The following GRIK3 variants were observed in gnomAD, a reference collection of about 807,000 sequenced individuals.
GRIK3 encodes glutamate ionotropic receptor kainate type subunit 3, also known as glutamate receptor ionotropic, kainate 3.
Under a neutral mutation model 102.5 loss-of-function variants are expected in GRIK3, and 29 were observed. The ratio of observed to expected loss-of-function variants is 0.28; its 90% confidence interval spans 0.21 to 0.39. GRIK3 has a LOEUF of 0.39. GRIK3 is among the 10% of genes least tolerant of loss of function. The pLI, the probability that GRIK3 is intolerant of heterozygous loss-of-function variation, is 1.00. For missense variants in GRIK3, 908 were observed against 1,252.4 expected (o/e 0.73, Z 4.15); for synonymous variants, 511 against 504.9 (o/e 1.01, Z -0.16).
At chr1:36,919,905 C>T (rs1641448034) in intron 1 of GRIK3, among the ~76,000 whole-genome samples, 1 of 152,228 alleles carries the variant, frequency 6.6e-6, no homozygotes, top group African/African-American at 2.4e-5. Context: ...GATGCTCCTC[C>T]TGCCTGGAGA....
At chr1:36,840,930 T>C (rs928237470) in intron 10 of GRIK3, among the ~76,000 whole-genome samples, 1 of 152,184 alleles carries the variant, frequency 6.6e-6, no homozygotes, top group Non-Finnish European at 1.5e-5. Context: ...TCTGCCACTA[T>C]GACAACAATC....
In GRIK3 at chr1:36,837,637, A is replaced by G. The variant is rs146956399; in HGVS notation, c.1530+4099T>C. The stretch of plus-strand genomic sequence containing the variant: ...CCACTTCAGTGGGTTCAGATTCTCC[A>G]TAGCCCTCGGGATTAAAGTCCAGTT... On this transcript the variant is annotated intron_variant, in intron 10 of 15. Coordinates refer to ENST00000373091, the MANE Select transcript of GRIK3 (RefSeq NM_000831.4). 3.8e-3 allele frequency among the ~76,000 whole-genome samples: 577 copies of G among 152,086 alleles called. 3 individuals carry two copies. Among genetic ancestry groups the G allele is most frequent in the African/African-American group, 0.013 (539 of 41,476 alleles).
intron 1 of GRIK3, among the ~76,000 whole-genome samples, chr1:36,944,555 G>C (rs1481080889): frequency 6.6e-6 from 1 of 152,214 alleles, no homozygotes; most frequent in Non-Finnish European, 1.5e-5. Context: ...AGCCACAAGA[G>C]AGGCCAGAGC....
chr1:37,032,827 C>A (rs1365456775), intron 1 of GRIK3, among the ~76,000 whole-genome samples: 3 of 152,166 alleles, frequency 2.0e-5, no homozygotes, highest in Non-Finnish European at 4.4e-5. Context: ...GGTTTCTGAC[C>A]GCCTCCTAGG....
Position 36,890,925 on chromosome 1 carries a change from T to G in GRIK3, c.287A>C (p.Lys96Thr), listed in dbSNP as rs1337549952. The G allele has an allele frequency of 6.2e-7, 1 of 1,609,210 alleles. No individual in the cohort carries two copies. The highest frequency in any genetic ancestry group is 8.5e-7 in the Non-Finnish European group (1 of 1,176,980). ...GGCAGGAGCTGCACACTCACCCTTT[T>G]TGGTCGCCTCGAAGCTGTCATGGAA... ...IHFHDSFEATKKACDQLALGV... is the reference protein window; with the variant it reads ...IHFHDSFEATTKACDQLALGV... The change falls in exon 2 of 16, where the codon AAA becomes ACA. Residue 96 changes from lysine to threonine, a missense_variant. This residue lies in a region of GRIK3 where 585 missense variants were observed against 824.9 expected (regional missense o/e 0.71). Coordinates refer to ENST00000373091, the MANE Select transcript of GRIK3 (RefSeq NM_000831.4).
intron 1 of GRIK3, among the ~76,000 whole-genome samples, chr1:36,955,125 G>T (rs1641890484): frequency 6.6e-6 from 1 of 152,216 alleles, no homozygotes; most frequent in African/African-American, 2.4e-5. Context: ...CCCCAGAGTG[G>T]GTCCTGAGCT....
At chr1:36,831,806 G>T (rs920446424) in intron 10 of GRIK3, among the ~76,000 whole-genome samples, 1 of 152,132 alleles carries the variant, frequency 6.6e-6, no homozygotes, top group African/African-American at 2.4e-5. Context: ...AAATAACCCC[G>T]TGTGGCTGGT....
chr1:36,803,708 C>T (rs964130953), intron 15 of GRIK3, among the ~76,000 whole-genome samples: 1 of 152,166 alleles, frequency 6.6e-6, no homozygotes, highest in African/African-American at 2.4e-5. Context: ...TGATTACAGG[C>T]GTGAGCCACC....
chr1:36,854,004 G>A (rs1485193400), intron 7 of GRIK3, among the ~76,000 whole-genome samples: 1 of 152,226 alleles, frequency 6.6e-6, no homozygotes, highest in Non-Finnish European at 1.5e-5. Context: ...GTCATGGGAA[G>A]GGGGAGCCCA....
chr1:36,999,657 C>T (rs772211909), intron 1 of GRIK3, among the ~76,000 whole-genome samples: 26 of 152,196 alleles, frequency 1.7e-4, no homozygotes, highest in Admixed American at 3.3e-4. Context: ...TCAGGGAACA[C>T]TGAGCCCGCT....
chr1:36,956,389 A>G (rs1263212251), intron 1 of GRIK3, among the ~76,000 whole-genome samples: 1 of 152,238 alleles, frequency 6.6e-6, no homozygotes, highest in African/African-American at 2.4e-5. Flanking sequence ...AGCCATTTAA[A>G]TGACTCAAAG....
At chr1:36,950,274 T>C (rs1641830514) in intron 1 of GRIK3, among the ~76,000 whole-genome samples, 1 of 152,336 alleles carries the variant, frequency 6.6e-6, no homozygotes, top group Non-Finnish European at 1.5e-5. Flanking sequence ...TTTTTAAATA[T>C]AATCATTCCT....
intron 1 of GRIK3, among the ~76,000 whole-genome samples, chr1:36,933,896 A>C (rs1280101662): frequency 6.6e-6 from 1 of 152,082 alleles, no homozygotes; most frequent in African/African-American, 2.4e-5. Context: ...AGGAAGGAGA[A>C]CTTCCACTTG....
At chr1:37,027,938 T>C (rs1642780382) in intron 1 of GRIK3, among the ~76,000 whole-genome samples, 1 of 152,046 alleles carries the variant, frequency 6.6e-6, no homozygotes, top group African/African-American at 2.4e-5. Flanking sequence ...TGCATCCAGG[T>C]CCCCATGCCC....
At chr1:37,006,913 G>A (rs1642538857) in intron 1 of GRIK3, among the ~76,000 whole-genome samples, 1 of 152,242 alleles carries the variant, frequency 6.6e-6, no homozygotes, top group Non-Finnish European at 1.5e-5. Flanking sequence ...GAGCAAGCTA[G>A]TGGTGCAACC....
At chr1:37,007,391 G>A (rs1030533419) in intron 1 of GRIK3, among the ~76,000 whole-genome samples, 2 of 152,236 alleles carry the variant, frequency 1.3e-5, no homozygotes, top group Admixed American at 6.5e-5. Context: ...TTCAGGTGCT[G>A]GAGAGTGGAA....
At chr1:36,897,311 C>G (rs1020173095) in intron 1 of GRIK3, among the ~76,000 whole-genome samples, 1 of 152,108 alleles carries the variant, frequency 6.6e-6, no homozygotes, top group Non-Finnish European at 1.5e-5. Flanking sequence ...AATACAAAGT[C>G]AATACACAAA....
At chr1:36,907,189 C>G (rs1641293104) in intron 1 of GRIK3, among the ~76,000 whole-genome samples, 1 of 151,934 alleles carries the variant, frequency 6.6e-6, no homozygotes, top group South Asian at 2.1e-4. Flanking sequence ...CACCTCAGGG[C>G]CTGGGTAAAG....
In GRIK3 at chr1:36,895,081, C is replaced by T. The variant is rs182663322; in HGVS notation, c.116-3985G>A. Among the ~76,000 whole-genome samples, 15 of 152,176 alleles carry T rather than the reference C, an allele frequency of 9.9e-5. No homozygotes were observed. In the East Asian group the frequency reaches 1.4e-3, roughly 14 times the overall value. The stretch of plus-strand genomic sequence containing the variant: ...GGGGAGAAGCACCTGTGAAGTTTAC[C>T]GCCCAGGGGCACAGGCTCACCAAAA... On this transcript the variant is annotated intron_variant, in intron 1 of 15. Coordinates refer to ENST00000373091, the MANE Select transcript of GRIK3 (RefSeq NM_000831.4).
Sources: allele counts gnomAD v4.1 joint callset (sites outside exome capture counted in the v4.1 genomes callset), GRCh38; gene constraint gnomAD v4.1.1; regional missense constraint gnomAD v4.1.1; transcripts MANE v1.5; gene names NCBI Gene and HGNC (gene_info 2026-07-23, HGNC 2026-07-21).